The following RALGDS variants were observed in gnomAD, a reference collection of about 807,000 sequenced individuals.
RALGDS encodes ral guanine nucleotide dissociation stimulator.
RALGDS carries 44 observed loss-of-function variants against 99.8 expected under a neutral mutation model. That is an observed-to-expected ratio of 0.44 (90% confidence interval 0.35 to 0.57). The LOEUF is 0.57. RALGDS is among the 20% of genes least tolerant of loss of function. The pLI, the probability that RALGDS is intolerant of heterozygous loss-of-function variation, is 0.01. For synonymous variants in RALGDS, 529 were observed against 505.0 expected, an observed-to-expected ratio of 1.05 and a Z score of -0.64; for missense variants, 1,022 against 1,203.1, an observed-to-expected ratio of 0.85 and a Z score of 2.23.
chr9:133,100,791 C>T, intron 16 of RALGDS: 1 of 1,129,874 alleles, frequency 8.9e-7, no homozygotes, highest in East Asian at 6.4e-5. Context: ...GTGTGGTCAG[C>T]ATAGGCCAGG....
At position 133,110,493 on chromosome 9, in the gene RALGDS, GGGTGGGACAGA is replaced by G; in HGVS notation, c.295-15_295-5del. 6.2e-7 allele frequency: 1 copy of G among 1,609,464 alleles called. No individual in the cohort carries two copies. ...TCAGGGCCGACTCATTCTCATACTG[GGGTGGGACAGA>G]GGAGGGACAGACAGTCAGTGGCAGC... On this transcript the variant is annotated splice_polypyrimidine_tract_variant and splice_region_variant and intron_variant, in intron 2 of 17. Coordinates refer to ENST00000372050, the MANE Select transcript of RALGDS (RefSeq NM_006266.4).
At chr9:133,120,668 C>T (rs1831884160) in intron 1 of RALGDS, among the ~76,000 whole-genome samples, 1 of 152,162 alleles carries the variant, frequency 6.6e-6, no homozygotes, top group South Asian at 2.1e-4. Context: ...GGGACAGTGC[C>T]GCAGAAAAAG....
intron 1 of RALGDS, chr9:133,148,885 T>TC (rs1832669194): frequency 7.3e-6 from 11 of 1,515,804 alleles, no homozygotes; most frequent in Admixed American, 5.8e-5. Context: ...CCGGGCTCCC[T>TC]CCCCCCGGTG....
intron 1 of RALGDS, among the ~76,000 whole-genome samples, chr9:133,146,484 G>C (rs944485761): frequency 2.0e-5 from 3 of 152,068 alleles, no homozygotes; most frequent in African/African-American, 7.2e-5. Flanking sequence ...GAGCCACCGC[G>C]CCCAGCCTCC....
At chr9:133,100,629 C>T (rs968292072) in intron 16 of RALGDS, 20 of 1,384,544 alleles carry the variant, frequency 1.4e-5, no homozygotes, top group Non-Finnish European at 1.9e-5. Flanking sequence ...CAGTGCCTAC[C>T]CTGCTTCTCC....
intron 17 of RALGDS, chr9:133,099,514 C>T (rs917109437): frequency 1.3e-5 from 2 of 152,820 alleles, no homozygotes; most frequent in Non-Finnish European, 2.9e-5. Flanking sequence ...GGAAAGAAAA[C>T]AGCGATGATA....
At chr9:133,122,269 G>A (rs1275961375), upstream of RALGDS, among the ~76,000 whole-genome samples, 1 of 152,254 alleles carries the variant, frequency 6.6e-6, no homozygotes, top group Admixed American at 6.5e-5. Flanking sequence ...CAGGAGAATG[G>A]ATGAATGAAT....
exon 1 of RALGDS, chr9:133,130,977 T>A (rs1487198458): frequency 6.5e-7 from 1 of 1,535,488 alleles, no homozygotes; most frequent in African/African-American, 1.4e-5. Flanking sequence ...GCCGGGTGGA[T>A]GCCCAGTCCC....
Position 133,097,954 on chromosome 9 carries a change from G to A in RALGDS, c.*633C>T, listed in dbSNP as rs1334263308. 2 of 235,172 alleles carry A rather than the reference G, an allele frequency of 8.5e-6. No homozygotes were observed. The highest frequency in any genetic ancestry group is 1.7e-5 in the Non-Finnish European group (2 of 119,286). The allele number at this position is 235,172 out of a possible 1,614,324, so 14.6% of individuals were successfully genotyped here. Reference sequence around the variant, plus strand: ...GTGAATGGCACTTGCAGTGGCATGAGATTCAACATCGATGGGACTCAGCTG... The same window carrying A: ...GTGAATGGCACTTGCAGTGGCATGAAATTCAACATCGATGGGACTCAGCTG... On this transcript the variant is annotated 3_prime_UTR_variant, in exon 18 of 18. Transcript: ENST00000372050.
chr9:133,136,334 G>C (rs1200483018), intron 1 of RALGDS, among the ~76,000 whole-genome samples: 1 of 152,210 alleles, frequency 6.6e-6, no homozygotes, highest in African/African-American at 2.4e-5. Context: ...ATGGAAGGAG[G>C]GACATTAAAA....
chr9:133,100,539 T>C (rs1830708296), intron 16 of RALGDS, 157 bp from the exon 17 acceptor site: 2 of 1,510,554 alleles, frequency 1.3e-6, no homozygotes, highest in African/African-American at 2.8e-5. Flanking sequence ...CTTGTCACAT[T>C]CTCCTACTCC....
chr9:133,098,805 G>T lies in RALGDS; in HGVS notation c.2570-43C>A, dbSNP rs115989046. ...AGGGGTGATCAGGGATGCTCCTGGG[G>T]GCCCTGCAGGATACCCCTACCGCTT... On this transcript the variant is annotated intron_variant, in intron 17 of 17. Transcript: ENST00000372050. The T allele has an allele frequency of 2.0e-4, 324 of 1,595,584 alleles. 3 individuals carry two copies. The South Asian group carries it at 3.3e-3, about 16-fold the overall frequency.
intron 1 of RALGDS, among the ~76,000 whole-genome samples, chr9:133,139,595 G>A (rs544061629): frequency 4.6e-5 from 7 of 152,302 alleles, no homozygotes; most frequent in Non-Finnish European, 8.8e-5. Flanking sequence ...GAAGGGGGTC[G>A]GGGGAGAGTG....
exon 1 of RALGDS, chr9:133,149,062 G>T: frequency 2.7e-6 from 3 of 1,117,046 alleles, no homozygotes; most frequent in Non-Finnish European, 3.4e-6. Flanking sequence ...CGCGCGCGGC[G>T]CAGGGGTGCG....
upstream of RALGDS, among the ~76,000 whole-genome samples, chr9:133,132,472 G>C (rs1301158110): frequency 1.3e-5 from 2 of 152,124 alleles, no homozygotes; most frequent in Non-Finnish European, 2.9e-5. Flanking sequence ...TTGAGGGGGT[G>C]GGGAGGGCTT....
chr9:133,120,533 C>T (rs1039777979), intron 1 of RALGDS, among the ~76,000 whole-genome samples: 3 of 151,944 alleles, frequency 2.0e-5, no homozygotes, highest in African/African-American at 7.2e-5. Context: ...CTCATCACCT[C>T]TGAGGATTCT....
At position 133,101,887 on chromosome 9, in the gene RALGDS, T is replaced by TTTGGAGTGGGGAGA. The variant is rs537186529; in HGVS notation, c.2211+37_2211+50dup. 65 of 1,550,884 alleles carry TTTGGAGTGGGGAGA rather than the reference T, an allele frequency of 4.2e-5. 1 individual carries two copies. The East Asian group carries it at 1.4e-3, about 34-fold the overall frequency. On this transcript the variant is annotated intron_variant, in intron 15 of 17. Coordinates refer to ENST00000372050, the MANE Select transcript of RALGDS (RefSeq NM_006266.4). Reference sequence around the variant, plus strand: ...AGGGCTTCCTGGCCCCATGCATGGATTTGGAGTGGGGAGATGGGAAAGGAT... The same window carrying TTTGGAGTGGGGAGA: ...AGGGCTTCCTGGCCCCATGCATGGATTTGGAGTGGGGAGATTGGAGTGGGGAGATGGGAAAGGAT...
chr9:133,118,661 C>T (rs111805615), intron 1 of RALGDS, among the ~76,000 whole-genome samples: 2,905 of 152,318 alleles, frequency 0.019, 101 homozygotes, highest in African/African-American at 0.065. Flanking sequence ...CTCTCCCCAG[C>T]GTCCTGTGGC....
At chr9:133,119,714 A>G (rs1831814089) in intron 1 of RALGDS, among the ~76,000 whole-genome samples, 1 of 151,660 alleles carries the variant, frequency 6.6e-6, no homozygotes, top group African/African-American at 2.4e-5. Context: ...GCCGCCAATG[A>G]GGACCAGAGC....
Sources: allele counts gnomAD v4.1 joint callset (sites outside exome capture counted in the v4.1 genomes callset), GRCh38; gene constraint gnomAD v4.1.1; transcripts MANE v1.5; gene names NCBI Gene and HGNC (gene_info 2026-07-23, HGNC 2026-07-21).